Variants in OPCML observed in about 807,000 individuals in gnomAD.
OPCML encodes the protein opioid binding protein/cell adhesion molecule like.
Under a neutral mutation model 37.8 loss-of-function variants are expected in OPCML, and 13 were observed. The ratio of observed to expected loss-of-function variants is 0.34; its 90% CI spans 0.22 to 0.55. The LOEUF is 0.55. OPCML is among the 20% of genes least tolerant of loss of function. OPCML has a pLI of 0.91. For synonymous variants in OPCML, 176 were observed against 168.8 expected, an observed-to-expected ratio of 1.04 and a Z score of -0.33; for missense variants, 341 against 435.6, an observed-to-expected ratio of 0.78 and a Z score of 1.93.
At chr11:132,769,210 T>A (rs971468643) in intron 2 of OPCML, among the ~76,000 whole-genome samples, 6 of 151,846 alleles carry the variant, frequency 4.0e-5, no homozygotes, top group Non-Finnish European at 8.8e-5. Context: ...TGAGTAGTTT[T>A]TTTGTATTTT....
chr11:132,950,372 G>A (rs1414514238), intron 1 of OPCML, among the ~76,000 whole-genome samples: 3 of 152,136 alleles, frequency 2.0e-5, no homozygotes, highest in Non-Finnish European at 4.4e-5. Context: ...TGGGGATTGA[G>A]AAAAAGAGAG....
At position 132,889,358 on chromosome 11, in the gene OPCML, C is replaced by T. The variant is rs570154861; in HGVS notation, c.146+53568G>A. ...TGGGACATAACCTTCTGGAGCTTAG[C>T]AAGCAGGTACTTCTGACCTCATGGA... On this transcript the variant is annotated intron_variant, in intron 2 of 7. Coordinates refer to ENST00000524381, the MANE Select transcript of OPCML (RefSeq NM_001012393.5). Among the ~76,000 whole-genome samples the T allele has an allele frequency of 5.3e-5, 8 of 152,312 alleles. No individual in the cohort carries two copies. The East Asian group carries it at 1.5e-3, about 29-fold the overall frequency.
At position 132,417,659 on chromosome 11, in the gene OPCML, C is replaced by A. The variant is rs929454680; in HGVS notation, c.*2534G>T. The A allele has an allele frequency of 1.3e-5, 2 of 152,232 alleles. No homozygotes were observed. Among genetic ancestry groups the A allele is most frequent in the Non-Finnish European group, 2.9e-5 (2 of 68,054 alleles). The allele number at this position is 152,232 out of a possible 1,614,324, so 9.4% of individuals were successfully genotyped here. Reference sequence around the variant, plus strand: ...ATTTCAAGCACTGTGTTCTCCAAGACTGTCCACTCTTCACAGCCTTCACAT... The same window carrying A: ...ATTTCAAGCACTGTGTTCTCCAAGAATGTCCACTCTTCACAGCCTTCACAT... On this transcript the variant is annotated 3_prime_UTR_variant, in exon 8 of 8. Transcript: ENST00000524381.
chr11:133,420,590 A>C (rs754977349), intron 1 of OPCML: 1 of 985,030 alleles, frequency 1.0e-6, no homozygotes, highest in East Asian at 1.1e-4. Flanking sequence ...ACACTGAAAC[A>C]TTATTATTTA....
rs371677526 is a variant in OPCML, at chr11:132,776,271, C to T, written c.147-118952G>A. ...AGGAACATCACCCATGGTGGTTTTA[C>T]AGCATAGCTATTAACTTCATGCTAA... On this transcript the variant is annotated intron_variant, in intron 2 of 7. Coordinates refer to ENST00000524381, the MANE Select transcript of OPCML (RefSeq NM_001012393.5). Among the ~76,000 whole-genome samples the T allele has an allele frequency of 1.1e-4, 17 of 152,358 alleles. No homozygotes were observed. The East Asian group carries it at 2.5e-3, about 23-fold the overall frequency.
intron 2 of OPCML, among the ~76,000 whole-genome samples, chr11:132,783,420 T>G (rs1947100330): frequency 6.6e-6 from 1 of 152,176 alleles, no homozygotes; most frequent in South Asian, 2.1e-4. Context: ...GGAGGCCGCA[T>G]TTAAAGACAC....
intron 1 of OPCML, among the ~76,000 whole-genome samples, chr11:132,991,342 A>G (rs925472401): frequency 3.3e-5 from 5 of 152,216 alleles, no homozygotes; most frequent in Non-Finnish European, 5.9e-5. Flanking sequence ...CATTTTCATA[A>G]ATGCAATATA....
chr11:132,683,145 T>C lies in OPCML; in HGVS notation c.147-25826A>G, dbSNP rs567447978. On this transcript the variant is annotated intron_variant, in intron 2 of 7. Coordinates refer to ENST00000524381, the MANE Select transcript of OPCML (RefSeq NM_001012393.5). The stretch of plus-strand genomic sequence containing the variant: ...AATATAAAAGCAAGACCGAGTGTGG[T>C]GGCTCACACCCGTAATCCCAATAAT... 5.1e-4 allele frequency among the ~76,000 whole-genome samples: 77 copies of C among 152,286 alleles called. No individual in the cohort carries two copies. In the South Asian group the frequency reaches 0.016, roughly 32 times the overall value.
chr11:133,257,232 T>C (rs181258535), intron 1 of OPCML, among the ~76,000 whole-genome samples: 1 of 152,340 alleles, frequency 6.6e-6, no homozygotes, highest in Admixed American at 6.5e-5. Flanking sequence ...GTAAGTTGTA[T>C]TTCTATCTCA....
chr11:132,838,711 T>C (rs755355265), intron 2 of OPCML, among the ~76,000 whole-genome samples: 3 of 152,190 alleles, frequency 2.0e-5, no homozygotes, highest in Non-Finnish European at 2.9e-5. Flanking sequence ...CATTAATGCA[T>C]ACCCATTGCC....
intron 2 of OPCML, among the ~76,000 whole-genome samples, chr11:132,699,000 G>C (rs907672981): frequency 1.3e-5 from 2 of 151,992 alleles, no homozygotes; most frequent in Non-Finnish European, 2.9e-5. Flanking sequence ...TCAGGAACAT[G>C]AGATATCTTT....
chr11:132,454,697 G>C (rs2096077121), intron 4 of OPCML, among the ~76,000 whole-genome samples: 1 of 152,216 alleles, frequency 6.6e-6, no homozygotes, highest in South Asian at 2.1e-4. Context: ...ACAGAGAGGA[G>C]AGAAGGGCTG....
chr11:133,414,715 C>T (rs1048895631), intron 1 of OPCML, among the ~76,000 whole-genome samples: 6 of 152,188 alleles, frequency 3.9e-5, no homozygotes, highest in South Asian at 2.1e-4. Flanking sequence ...TTCACAAATC[C>T]CCCGTTCCCA....
intron 1 of OPCML, among the ~76,000 whole-genome samples, chr11:133,178,414 C>A (rs1225329455): frequency 6.6e-6 from 1 of 151,994 alleles, no homozygotes; most frequent in African/African-American, 2.4e-5. Flanking sequence ...CTTCTGCGAT[C>A]TGGAAGGTCA....
chr11:133,147,297 C>T (rs1007394479), intron 1 of OPCML, among the ~76,000 whole-genome samples: 5 of 152,114 alleles, frequency 3.3e-5, no homozygotes, highest in Admixed American at 6.5e-5. Flanking sequence ...TAAAAGAAGA[C>T]GAGGGAGGCA....
chr11:133,294,311 A>C (rs1406758295), intron 1 of OPCML, among the ~76,000 whole-genome samples: 4 of 152,126 alleles, frequency 2.6e-5, no homozygotes, highest in Non-Finnish European at 2.9e-5. Flanking sequence ...CTGGTGCTTG[A>C]GATCAGGGGC....
intron 3 of OPCML, among the ~76,000 whole-genome samples, chr11:132,543,764 GT>G (rs529315818): frequency 3.3e-5 from 5 of 152,016 alleles, no homozygotes; most frequent in East Asian, 1.9e-4. Context: ...ATACCGCCAC[GT>G]TTTTTCCCCC....
At chr11:133,507,713 G>A (rs1948064535) in intron 1 of OPCML, among the ~76,000 whole-genome samples, 1 of 152,132 alleles carries the variant, frequency 6.6e-6, no homozygotes, top group Admixed American at 6.5e-5. Flanking sequence ...GGGAGGCCGA[G>A]GCGGGCGGAC....
In OPCML at chr11:133,345,455, G is replaced by T. The variant is rs1222484230; in HGVS notation, c.61+186809C>A. Among the ~76,000 whole-genome samples, 3 of 152,168 alleles carry T rather than the reference G, an allele frequency of 2.0e-5. No individual in the cohort carries two copies. In the East Asian group the frequency reaches 5.8e-4, roughly 29 times the overall value. ...TATCTTGCCACCCATCCTTTGTACTGAATAATCTTACGGCAGTAATGTTCC... is the reference window on the plus strand; with the variant it reads ...TATCTTGCCACCCATCCTTTGTACTTAATAATCTTACGGCAGTAATGTTCC... On this transcript the variant is annotated intron_variant, in intron 1 of 7. Transcript: ENST00000524381.
Sources: gnomAD v4.1 joint callset for allele counts (sites outside exome capture counted in the v4.1 genomes callset) on GRCh38, gnomAD v4.1.1 for gene constraint, MANE v1.5 for transcripts, NCBI Gene and HGNC (gene_info 2026-07-23, HGNC 2026-07-21) for gene names.